CTIF: variants seen among roughly 807,000 people sequenced by gnomAD.
CTIF encodes the protein CBP80/20-dependent translation initiation factor.
A neutral mutation model predicts 66.0 loss-of-function variants in CTIF; 21 were observed. The observed-to-expected ratio is 0.32, with a 90% confidence interval of 0.23 to 0.46. The LOEUF (loss-of-function observed/expected upper bound fraction) is 0.46. Ranked by LOEUF, CTIF falls within the 20% of genes least tolerant of loss-of-function variation. CTIF has a pLI of 1.00. For synonymous variants in CTIF, 345 were observed against 326.4 expected (o/e 1.06, Z -0.62); for missense variants, 739 against 812.7 (o/e 0.91, Z 1.10).
At chr18:48,825,048 C>A (rs1599115104) in intron 10 of CTIF, among the ~76,000 whole-genome samples, 1 of 152,192 alleles carries the variant, frequency 6.6e-6, no homozygotes, top group South Asian at 2.1e-4. Context: ...TCCAATCCCC[C>A]CAGCTCATCC....
intron 10 of CTIF, among the ~76,000 whole-genome samples, chr18:48,854,206 G>A (rs1363729876): frequency 6.6e-6 from 1 of 152,096 alleles, no homozygotes; most frequent in African/African-American, 2.4e-5. Context: ...TGTGCATGGG[G>A]GGGAAAGCAG....
intron 9 of CTIF, among the ~76,000 whole-genome samples, chr18:48,767,389 G>A (rs934696369): frequency 3.9e-5 from 6 of 152,122 alleles, no homozygotes; most frequent in South Asian, 4.1e-4. Context: ...GGACGTCCAC[G>A]TGGGCTCTGG....
chr18:48,595,364 T>C (rs552292509), intron 1 of CTIF, among the ~76,000 whole-genome samples: 1 of 152,214 alleles, frequency 6.6e-6, no homozygotes, highest in Non-Finnish European at 1.5e-5. Flanking sequence ...TATTGCTGTG[T>C]AATAAATTAC....
Position 48,659,297 on chromosome 18 carries a change from C to T in CTIF, c.253-4455C>T, listed in dbSNP as rs115843777. The stretch of plus-strand genomic sequence containing the variant: ...ACTCAGCTTCTCGTCTGCCAGGCCC[C>T]GAGTCTTCATGGCGATCTCCTTCCT... On this transcript the variant is annotated intron_variant, in intron 3 of 11. Coordinates refer to ENST00000256413, the MANE Select transcript of CTIF (RefSeq NM_014772.3). Among the ~76,000 whole-genome samples, 538 of 152,264 alleles carry T rather than the reference C, an allele frequency of 3.5e-3. 4 individuals are homozygous for T. Among genetic ancestry groups the T allele is most frequent in the African/African-American group, 0.012 (503 of 41,536 alleles).
intron 7 of CTIF, among the ~76,000 whole-genome samples, chr18:48,749,087 C>G (rs1229134677): frequency 1.3e-5 from 2 of 152,216 alleles, no homozygotes; most frequent in Non-Finnish European, 2.9e-5. Context: ...ATGTGCCTTC[C>G]TCTTGGTCCT....
chr18:48,773,753 C>G (rs1298672486), intron 9 of CTIF, among the ~76,000 whole-genome samples: 1 of 152,060 alleles, frequency 6.6e-6, no homozygotes, highest in East Asian at 1.9e-4. Flanking sequence ...CCTGGTGCCC[C>G]TCACCATGCT....
At chr18:48,699,847 G>T (rs930974128) in intron 6 of CTIF, among the ~76,000 whole-genome samples, 1 of 152,220 alleles carries the variant, frequency 6.6e-6, no homozygotes, top group Non-Finnish European at 1.5e-5. Context: ...CAGCTCCTGC[G>T]GTAAGTGGCA....
chr18:48,619,753 C>G lies in CTIF; in HGVS notation c.180+8C>G. 1.3e-6 allele frequency: 2 copies of G among 1,559,974 alleles called. No individual in the cohort carries two copies. Among genetic ancestry groups the G allele is most frequent in the South Asian group, 1.2e-5 (1 of 83,246 alleles). On this transcript the variant is annotated splice_region_variant and intron_variant, in intron 2 of 11. Transcript: ENST00000256413. ...CAGTCCCACATCTCCCAGGTGAGCG[C>G]GGGCCCGGGGTTGGGGCAGCTTGGG...
At chr18:48,542,001 G>T (rs759573011) in intron 1 of CTIF, among the ~76,000 whole-genome samples, 11 of 152,082 alleles carry the variant, frequency 7.2e-5, no homozygotes, top group Non-Finnish European at 1.5e-4. Flanking sequence ...TCAGCTTATG[G>T]CATTTAATTA....
At chr18:48,820,146 C>G (rs1227450367) in intron 10 of CTIF, among the ~76,000 whole-genome samples, 2 of 152,186 alleles carry the variant, frequency 1.3e-5, no homozygotes, top group Non-Finnish European at 2.9e-5. Flanking sequence ...CTCCTGAACT[C>G]CAGGTAGGGC....
intron 6 of CTIF, among the ~76,000 whole-genome samples, chr18:48,702,879 G>A (rs146022381): frequency 9.0e-4 from 137 of 151,750 alleles, no homozygotes; most frequent in African/African-American, 2.5e-3. Context: ...TCCTGCCCAC[G>A]TGGAGAGAGA....
chr18:48,686,692 G>A (rs1264179148), intron 6 of CTIF, among the ~76,000 whole-genome samples: 3 of 152,136 alleles, frequency 2.0e-5, no homozygotes, highest in Non-Finnish European at 4.4e-5. Context: ...AAGGGGACTT[G>A]GGGAGTCTCA....
At chr18:48,828,452 T>C (rs11082706) in intron 10 of CTIF, among the ~76,000 whole-genome samples, 7,343 of 152,270 alleles carry the variant, frequency 0.048, 417 homozygotes, top group East Asian at 0.32. Context: ...TTTTCATAGA[T>C]TGAGCTGCCC....
intron 7 of CTIF, among the ~76,000 whole-genome samples, chr18:48,720,871 A>C (rs2092328738): frequency 1.3e-5 from 2 of 152,050 alleles, no homozygotes; most frequent in African/African-American, 4.8e-5. Flanking sequence ...CCCACAACTC[A>C]CCCATGAGGG....
chr18:48,800,541 A>T (rs1435786985), intron 9 of CTIF, among the ~76,000 whole-genome samples: 1 of 152,054 alleles, frequency 6.6e-6, no homozygotes, highest in Admixed American at 6.6e-5. Context: ...CACCCACCAT[A>T]CACTGGCCAA....
intron 3 of CTIF, among the ~76,000 whole-genome samples, chr18:48,657,826 T>C (rs1358280891): frequency 6.6e-6 from 1 of 152,174 alleles, no homozygotes; most frequent in Non-Finnish European, 1.5e-5. Context: ...ACTCCATACA[T>C]GCTGCTGCTT....
At chr18:48,559,898 A>G (rs985725503) in intron 1 of CTIF, among the ~76,000 whole-genome samples, 4 of 152,164 alleles carry the variant, frequency 2.6e-5, no homozygotes, top group Non-Finnish European at 2.9e-5. Flanking sequence ...AGACTTAACC[A>G]CTATGCAATA....
At chr18:48,625,996 CTTTCTTTTT>C (rs2090586775) in intron 2 of CTIF, among the ~76,000 whole-genome samples, 1 of 114,488 alleles carries the variant, frequency 8.7e-6, no homozygotes. Flanking sequence ...ATTTCTTTTT[CTTTCTTTTT>C]TTTTTTTTTT....
At chr18:48,758,518 C>A in intron 8 of CTIF, 113 bp downstream of exon 8, 6 of 1,337,316 alleles carry the variant, frequency 4.5e-6, no homozygotes, top group Non-Finnish European at 6.1e-6. Flanking sequence ...GTCTAGGGAG[C>A]CATGTACAGG....
Sources: allele counts gnomAD v4.1 joint callset (sites outside exome capture counted in the v4.1 genomes callset), GRCh38; gene constraint gnomAD v4.1.1; transcripts MANE v1.5; gene names NCBI Gene and HGNC (gene_info 2026-07-23, HGNC 2026-07-21).